NFRKB: variants seen among roughly 807,000 people sequenced by gnomAD.
NFRKB encodes the protein nuclear factor related to kappa-B-binding protein.
NFRKB carries 62 observed loss-of-function variants against 135.7 expected under a neutral mutation model. That is an observed-to-expected ratio of 0.46 (90% confidence interval 0.37 to 0.56). The LOEUF (loss-of-function observed/expected upper bound fraction) is 0.56, where lower values mean the gene tolerates loss of function less well. Ranked by LOEUF, NFRKB falls within the 20% of genes least tolerant of loss-of-function variation. The pLI, the probability that NFRKB is intolerant of heterozygous loss-of-function variation, is 0.00. For missense variants in NFRKB, 1,545 were observed against 1,662.0 expected (o/e 0.93, Z 1.22); for synonymous variants, 678 against 635.6 (o/e 1.07, Z -1.00).
At chr11:129,870,408 C>G (rs1948447145) in intron 23 of NFRKB, 147 bp from the exon 24 acceptor site, 3 of 909,566 alleles carry the variant, frequency 3.3e-6, no homozygotes, top group Non-Finnish European at 4.9e-6. Flanking sequence ...AAGTAGAGAA[C>G]AGTATAACAA....
intron 13 of NFRKB, among the ~76,000 whole-genome samples, chr11:129,880,943 C>G (rs1262071067): frequency 6.6e-6 from 1 of 152,220 alleles, no homozygotes; most frequent in African/African-American, 2.4e-5. Context: ...TCACCATCAC[C>G]AGGTAACAGC....
chr11:129,877,184 CA>C, intron 16 of NFRKB, 140 bp downstream of exon 16: 2 of 891,534 alleles, frequency 2.2e-6, no homozygotes, highest in Non-Finnish European at 1.8e-6. Context: ...CCACCCCCAA[CA>C]AGTAATCCCA....
rs560740106 is a variant in NFRKB, at chr11:129,880,172, G to C, written c.1384+1271C>G. ...GCCACTGTACTCCAGCCTGGGGACA[G>C]AGCAAGACTCTGTCTCAAAAAATAA... On this transcript the variant is annotated intron_variant, in intron 13 of 26. Coordinates refer to ENST00000682444, the MANE Select transcript of NFRKB (RefSeq NM_001143835.2). Among the ~76,000 whole-genome samples, 36 of 152,212 alleles carry C rather than the reference G, an allele frequency of 2.4e-4. No individual in the cohort carries two copies. In the South Asian group the frequency reaches 4.6e-3, roughly 19 times the overall value.
chr11:129,882,778 T>C, intron 9 of NFRKB, 147 bp from the exon 10 acceptor site: 2 of 846,074 alleles, frequency 2.4e-6, no homozygotes, highest in Non-Finnish European at 3.7e-6. Flanking sequence ...ATTCATTGAG[T>C]GATTTATAGC....
chr11:129,878,261 A>G (rs1399498197), intron 15 of NFRKB, 48 bp downstream of exon 15: 2 of 1,592,412 alleles, frequency 1.3e-6, no homozygotes, highest in Non-Finnish European at 1.7e-6. Flanking sequence ...GCAGTATCTG[A>G]ACTACAGTTT....
In NFRKB at chr11:129,874,822, A is replaced by C. The variant is rs1948685759; in HGVS notation, c.1949T>G (p.Leu650Arg). Reference sequence around the variant, plus strand: ...CTCTTCTTCACTCCGGTCACGATGCAGGTAGATCCACAGCTTTCGTCCAAT... The same window carrying C: ...CTCTTCTTCACTCCGGTCACGATGCCGGTAGATCCACAGCTTTCGTCCAAT... ...YDIGRKLWIY[L>R]HRDRSEEEFE... The change falls in exon 19 of 27, where the codon CTG becomes CGG. Residue 650 changes from leucine (L) to arginine (R), a missense_variant. By Grantham distance (102) the Leu-to-Arg change is moderately radical. Around this residue, in one of 3 missense-constraint regions of NFRKB, gnomAD observed 114 missense variants for 211.0 expected, o/e 0.54. Transcript: ENST00000682444. This position sits in a 1 kb window ranked among gnomAD's most constrained non-coding sequence, Gnocchi z 4.5. The C allele has an allele frequency of 6.2e-7, 1 of 1,614,078 alleles. No individual in the cohort carries two copies.
At chr11:129,894,885 A>G (rs1467463328) in intron 1 of NFRKB, among the ~76,000 whole-genome samples, 1 of 152,226 alleles carries the variant, frequency 6.6e-6, no homozygotes, top group Non-Finnish European at 1.5e-5. Context: ...TCAGTGTCCT[A>G]CCTGCCTCTT....
At position 129,864,695 on chromosome 11, in the gene NFRKB, G is replaced by T; in HGVS notation, c.*30C>A. 6.2e-7 allele frequency: 1 copy of T among 1,613,750 alleles called. No homozygotes were observed. The highest frequency in any genetic ancestry group is 8.5e-7 in the Non-Finnish European group (1 of 1,179,982). ...TCTCAGCCAGGACAGACCAGGCATG[G>T]TCTTTCACGGAAGCCATCCTCTCTC... On this transcript the variant is annotated 3_prime_UTR_variant, in exon 27 of 27. Transcript: ENST00000682444.
intron 23 of NFRKB, among the ~76,000 whole-genome samples, chr11:129,872,206 G>A (rs538043234): frequency 2.6e-5 from 4 of 151,978 alleles, no homozygotes; most frequent in Admixed American, 6.5e-5. Flanking sequence ...TGAGGTACTC[G>A]TCTCTTAGCT....
chr11:129,867,987 T>C (rs1245250691), intron 24 of NFRKB, among the ~76,000 whole-genome samples: 1 of 152,196 alleles, frequency 6.6e-6, no homozygotes, highest in African/African-American at 2.4e-5. Context: ...CAAAAATATA[T>C]TTCAAATGCA....
At chr11:129,872,769 C>T (rs1388378807) in intron 23 of NFRKB, 115 bp downstream of exon 23, 11 of 1,082,626 alleles carry the variant, frequency 1.0e-5, no homozygotes, top group Middle Eastern at 3.1e-4. Flanking sequence ...AGCTGAGAGT[C>T]GAAGATGACA....
intron 13 of NFRKB, among the ~76,000 whole-genome samples, chr11:129,879,676 C>T (rs1486174868): frequency 6.6e-6 from 1 of 152,198 alleles, no homozygotes; most frequent in South Asian, 2.1e-4. Context: ...CCCCTGCCCC[C>T]GCACTCTCAT....
chr11:129,874,749 C>T lies in NFRKB; in HGVS notation c.1978+44G>A, dbSNP rs774332045. On this transcript the variant is annotated intron_variant, in intron 19 of 26. Transcript: ENST00000682444. This position sits in a 1 kb window ranked among gnomAD's most constrained non-coding sequence, Gnocchi z 4.5. ...ATGGAATTGGGGTAGAAAGTCAGAA[C>T]GTATCCCCAGTCTGGTCGGACAGTG... 1.2e-5 allele frequency: 20 copies of T among 1,613,896 alleles called. No homozygotes were observed. The South Asian group carries it at 1.6e-4, about 13-fold the overall frequency.
At position 129,877,359 on chromosome 11, in the gene NFRKB, C is replaced by A. The variant is rs748641625; in HGVS notation, c.1538G>T (p.Ser513Ile). The change falls in exon 16 of 27, where the codon AGC (serine) becomes ATC (isoleucine). Residue 513 changes from serine (S) to isoleucine (I), a missense_variant. Coordinates refer to ENST00000682444, the MANE Select transcript of NFRKB (RefSeq NM_001143835.2). ...RVRTDYVVRP[S>I]TGEEKRVFQE... is the part of the protein sequence containing the mutation. The stretch of plus-strand genomic sequence containing the variant: ...AAAAACCCGTTTCTCCTCCCCCGTG[C>A]TGGGACGCACCACATAGTCAGTTCT... The A allele has an allele frequency of 1.9e-6, 3 of 1,614,200 alleles. No individual in the cohort carries two copies. The highest frequency in any genetic ancestry group is 2.5e-6 in the Non-Finnish European group (3 of 1,180,024).
Position 129,885,582 on chromosome 11 carries a change from C to T in NFRKB, c.493G>A (p.Gly165Ser). The T allele has an allele frequency of 6.2e-7, 1 of 1,612,788 alleles. No homozygotes were observed. The highest frequency in any genetic ancestry group is 8.5e-7 in the Non-Finnish European group (1 of 1,179,028). Residue 165 changes from glycine to serine, a missense_variant, in exon 6 of 27, where the codon GGC (glycine) becomes AGC (serine). Transcript: ENST00000682444. ...SDLLEMARRS[G>S]PALPFRQKRP... ...TTCTGCCGGAAGGGAAGGGCGGGGC[C>T]ACTCCGCCGGGCCATCTCCAGCAGA...
chr11:129,894,683 C>T (rs905389386), intron 1 of NFRKB, among the ~76,000 whole-genome samples: 2 of 152,160 alleles, frequency 1.3e-5, no homozygotes, highest in African/African-American at 4.8e-5. Context: ...CCCTCATCAC[C>T]CTTCAGCACA....
At position 129,885,602 on chromosome 11, in the gene NFRKB, A is replaced by C; in HGVS notation, c.473T>G (p.Leu158Arg). The change falls in exon 6 of 27, where the codon CTG becomes CGG. Residue 158 changes from leucine to arginine, a missense_variant. Physicochemically the swap from Leu to Arg is moderately radical, Grantham distance 102. Coordinates refer to ENST00000682444, the MANE Select transcript of NFRKB (RefSeq NM_001143835.2). ...GGGGCCACTCCGCCGGGCCATCTCCAGCAGATCCTAGGTAGAGATCAGGTG... is the reference window on the plus strand; with the variant it reads ...GGGGCCACTCCGCCGGGCCATCTCCCGCAGATCCTAGGTAGAGATCAGGTG... ...KQILASRSDLLEMARRSGPAL... is the reference protein window; with the variant it reads ...KQILASRSDLREMARRSGPAL... 6.2e-7 allele frequency: 1 copy of C among 1,609,196 alleles called. No homozygotes were observed. The highest frequency in any genetic ancestry group is 8.5e-7 in the Non-Finnish European group (1 of 1,176,454).
chr11:129,875,038 T>C lies in NFRKB; in HGVS notation c.1855-122A>G, dbSNP rs190092106. 167 of 1,246,772 alleles carry C rather than the reference T, an allele frequency of 1.3e-4. No homozygotes were observed. The Middle Eastern group carries it at 2.5e-3, about 18-fold the overall frequency. The allele number at this position is 1,246,772 out of a possible 1,614,324, so 77.2% of individuals were successfully genotyped here. A position where few individuals can be genotyped will look rare whatever the true frequency, so the allele number is the denominator to read the frequency against. ...AGCTGATGCAGATTCTATCTCAGCCTAGCTGCGTATTCCCAATAGTTCCCC... is the reference window on the plus strand; with the variant it reads ...AGCTGATGCAGATTCTATCTCAGCCCAGCTGCGTATTCCCAATAGTTCCCC... On this transcript the variant is annotated intron_variant, in intron 18 of 26. Transcript: ENST00000682444.
Position 129,886,352 on chromosome 11 carries a change from G to T in NFRKB, c.430C>A (p.His144Asn). The change falls in exon 5 of 27, where the codon CAT (histidine) becomes AAT (asparagine). Residue 144 changes from histidine (H) to asparagine (N), a missense_variant. By Grantham distance (68) the His-to-Asn change is moderately conservative. This residue lies in a region of NFRKB where 678 missense variants were observed against 646.7 expected (regional missense o/e 1.05). Transcript: ENST00000682444. ...RYLNSQQQYF[H>N]RLLKQILASR... ...GCAAGAATTTGCTTCAGCAGCCGAT[G>T]GAAATACTGCTGCTGGGAGTTGAGG... 6.2e-7 allele frequency: 1 copy of T among 1,614,120 alleles called. No individual in the cohort carries two copies. The highest frequency in any genetic ancestry group is 8.5e-7 in the Non-Finnish European group (1 of 1,180,000).
Sources: gnomAD v4.1 joint callset for allele counts (sites outside exome capture counted in the v4.1 genomes callset) on GRCh38, gnomAD v4.1.1 for gene constraint, gnomAD v4.1.1 regional missense constraint, Gnocchi (gnomAD v3.1) non-coding constraint, MANE v1.5 for transcripts, NCBI Gene and HGNC (gene_info 2026-07-23, HGNC 2026-07-21) for gene names.